Variants in MAP1LC3B2 observed in about 807,000 individuals in gnomAD.
The protein encoded by MAP1LC3B2 is microtubule-associated protein 1 light chain 3 beta 2.
For missense variants in MAP1LC3B2, 155 were observed against 154.6 expected, an observed-to-expected ratio of 1.00 and a Z score of -0.01; for synonymous variants, 62 against 57.8, an observed-to-expected ratio of 1.07 and a Z score of -0.33.
intron 1 of MAP1LC3B2, chr12:116,560,199 T>TAC (rs1869220461): frequency 6.8e-5 from 1 of 14,804 alleles, no homozygotes; most frequent in African/African-American, 2.0e-4. Context: ...TATATATATA[T>TAC]ATATATATAT....
intron 1 of MAP1LC3B2, among the ~76,000 whole-genome samples, chr12:116,560,234 A>G (rs931643106): frequency 0.044 from 4,726 of 107,180 alleles, 394 homozygotes; most frequent in African/African-American, 0.12. Flanking sequence ...ATATATATAT[A>G]TATATATGTA....
At chr12:116,562,654 T>A (rs1047466227) in intron 1 of MAP1LC3B2, among the ~76,000 whole-genome samples, 2 of 152,204 alleles carry the variant, frequency 1.3e-5, no homozygotes, top group Non-Finnish European at 2.9e-5. Flanking sequence ...TATAGCTGAT[T>A]ACAAAAGTGA....
rs767702546 is a variant in MAP1LC3B2 at position 116,576,042 on chromosome 12, A to G, written c.100A>G (p.Ile34Val). ...REQHPTKIPVIIERYKGEKQL... is the reference protein window; with the variant it reads ...REQHPTKIPVVIERYKGEKQL... ...GCAGCATCCAACCAAAATCCCGGTG[A>G]TAATAGAACGATACAAGGGTGAGAA... The change falls in exon 2 of 2, where the codon ATA becomes GTA. Residue 34 changes from isoleucine (I) to valine (V), a missense_variant. Physicochemically the swap from Ile to Val is conservative, Grantham distance 29. Coordinates refer to ENST00000556529, the MANE Select transcript of MAP1LC3B2 (RefSeq NM_001085481.3). The G allele has an allele frequency of 6.2e-7, 1 of 1,614,120 alleles. No individual in the cohort carries two copies.
intron 1 of MAP1LC3B2, among the ~76,000 whole-genome samples, chr12:116,571,370 T>A (rs1206697184): frequency 6.7e-6 from 1 of 149,384 alleles, no homozygotes; most frequent in Non-Finnish European, 1.5e-5. Flanking sequence ...CTTGGGGCAG[T>A]CTCAAAATGT....
At chr12:116,568,484 G>C (rs1869447291) in intron 1 of MAP1LC3B2, among the ~76,000 whole-genome samples, 1 of 152,212 alleles carries the variant, frequency 6.6e-6, no homozygotes, top group East Asian at 1.9e-4. Context: ...AATTTGTGCA[G>C]AGCTTGGGGG....
At chr12:116,565,274 TA>T (rs1361122957) in intron 1 of MAP1LC3B2, among the ~76,000 whole-genome samples, 2 of 152,162 alleles carry the variant, frequency 1.3e-5, no homozygotes, top group African/African-American at 4.8e-5. Flanking sequence ...GAAAGAGGTT[TA>T]ATGGACTTAC....
chr12:116,561,474 T>C (rs759813257), intron 1 of MAP1LC3B2, among the ~76,000 whole-genome samples: 9 of 152,222 alleles, frequency 5.9e-5, no homozygotes, highest in Non-Finnish European at 7.3e-5. Context: ...TCCCCTTGTC[T>C]GGGCTGAAAA....
At position 116,560,182 on chromosome 12, in the gene MAP1LC3B2, G is replaced by C. The variant is rs572241834; in HGVS notation, c.-102+749G>C. 3.5e-5 allele frequency: 4 copies of C among 113,214 alleles called. No individual in the cohort carries two copies. The South Asian group carries it at 1.1e-3, about 32-fold the overall frequency. 7.0% of individuals were successfully genotyped at this position (113,214 alleles called of 1,614,324 possible). On this transcript the variant is annotated intron_variant, in intron 1 of 1. Transcript: ENST00000556529. ...AGCAACGGCTCTGAAATAAAGCTAA[G>C]TTTGGCTATATATATATATATATAT...
chr12:116,571,458 C>CTTTTTTTTTT lies in MAP1LC3B2; in HGVS notation c.-101-4353_-101-4344dup, dbSNP rs71095564. 1.5e-3 allele frequency among the ~76,000 whole-genome samples: 70 copies of CTTTTTTTTTT among 48,110 alleles called. 14 individuals are homozygous for CTTTTTTTTTT. The highest frequency in any genetic ancestry group is 5.3e-3 in the Admixed American group (13 of 2,472). The allele number at this position is 48,110 out of a possible 152,430, so 31.6% of individuals were successfully genotyped here. On this transcript the variant is annotated intron_variant, in intron 1 of 1. Transcript: ENST00000556529. ...TAGATGGGAGTAAGGGACTGCTGTT[C>CTTTTTTTTTT]TTTTTTTTTTTTTTTTTTTTTTTTT...
intron 1 of MAP1LC3B2, among the ~76,000 whole-genome samples, chr12:116,562,267 G>T (rs1469466381): frequency 2.6e-5 from 4 of 152,162 alleles, no homozygotes; most frequent in East Asian, 3.9e-4. Flanking sequence ...TGTATCCCTG[G>T]ATCCACCTGT....
At chr12:116,569,692 A>G (rs191562069) in intron 1 of MAP1LC3B2, among the ~76,000 whole-genome samples, 110 of 152,348 alleles carry the variant, frequency 7.2e-4, no homozygotes, top group African/African-American at 2.6e-3. Flanking sequence ...ATACCTCAAT[A>G]CAACAAAATA....
chr12:116,572,465 C>T (rs1442434293), intron 1 of MAP1LC3B2, among the ~76,000 whole-genome samples: 2 of 151,494 alleles, frequency 1.3e-5, no homozygotes, highest in Non-Finnish European at 2.9e-5. Context: ...CCCAGGCCCA[C>T]ACCATTCTCC....
In MAP1LC3B2 at chr12:116,574,655, GAA is replaced by G. The variant is rs56382732; in HGVS notation, c.-101-1177_-101-1176del. On this transcript the variant is annotated intron_variant, in intron 1 of 1. Coordinates refer to ENST00000556529, the MANE Select transcript of MAP1LC3B2 (RefSeq NM_001085481.3). ...AGCGAGACCCTGTCTCAAAAAGAAA[GAA>G]AAAAAAAAAGCATACAAACACACAT... 6.4e-3 allele frequency among the ~76,000 whole-genome samples: 933 copies of G among 144,780 alleles called. 10 individuals are homozygous for G. Among genetic ancestry groups the G allele is most frequent in the African/African-American group, 0.023 (895 of 38,832 alleles). The allele number at this position is 144,780 out of a possible 152,430, so 95.0% of individuals were successfully genotyped here.
intron 1 of MAP1LC3B2, among the ~76,000 whole-genome samples, chr12:116,564,022 G>A (rs1488320004): frequency 6.6e-6 from 1 of 152,034 alleles, no homozygotes; most frequent in Non-Finnish European, 1.5e-5. Context: ...TGGGACTAAA[G>A]GTGCATGCCA....
At chr12:116,564,896 G>T (rs1315523779) in intron 1 of MAP1LC3B2, among the ~76,000 whole-genome samples, 1 of 152,150 alleles carries the variant, frequency 6.6e-6, no homozygotes, top group Non-Finnish European at 1.5e-5. Context: ...TGATCACTGG[G>T]CTCACTTGAT....
chr12:116,574,217 A>G (rs151130919), intron 1 of MAP1LC3B2, among the ~76,000 whole-genome samples: 1 of 150,464 alleles, frequency 6.6e-6, no homozygotes, highest in Non-Finnish European at 1.5e-5. Flanking sequence ...AAATCTATAA[A>G]GAAATTTATT....
rs201443748 is a variant in MAP1LC3B2 at position 116,576,248 on chromosome 12, G to A, written c.306G>A (p.Glu102=). The change falls in exon 2 of 2, where the codon GAG becomes GAA. Residue 102 remains glutamate, a synonymous_variant. Transcript: ENST00000556529. Reference sequence around the variant, plus strand: ...CAATCTCAGAGGTGTATGAGAGTGAGAAAGATGAAGATGGATTCCTGTACA... The same window carrying A: ...CAATCTCAGAGGTGTATGAGAGTGAAAAAGATGAAGATGGATTCCTGTACA... The part of the protein sequence containing the change: ...STPISEVYES[E]KDEDGFLYMV... 30 of 1,614,138 alleles carry A rather than the reference G, an allele frequency of 1.9e-5. No homozygotes were observed. The East Asian group carries it at 5.8e-4, about 31-fold the overall frequency.
At chr12:116,570,143 C>A (rs1008207453) in intron 1 of MAP1LC3B2, among the ~76,000 whole-genome samples, 4 of 152,136 alleles carry the variant, frequency 2.6e-5, no homozygotes, top group African/African-American at 9.7e-5. Flanking sequence ...GAAGAAGGGG[C>A]AAAGAGGGAA....
At chr12:116,562,082 A>C (rs549177830) in intron 1 of MAP1LC3B2, among the ~76,000 whole-genome samples, 366 of 152,330 alleles carry the variant, frequency 2.4e-3, no homozygotes, top group African/African-American at 8.5e-3. Context: ...CATCAGAGCA[A>C]ATAGTTGCCG....
Sources: gnomAD v4.1 joint callset for allele counts (sites outside exome capture counted in the v4.1 genomes callset) on GRCh38, gnomAD v4.1.1 for gene constraint, MANE v1.5 for transcripts, NCBI Gene and HGNC (gene_info 2026-07-23, HGNC 2026-07-21) for gene names.